Variants in C7orf78 observed in about 807,000 individuals in gnomAD.
C7orf78 encodes putative uncharacterized protein C7orf78.
At chr7:12,539,575 C>T in the C7orf78 span, among the ~76,000 whole-genome samples, 1 of 152,052 alleles carries the variant, frequency 6.6e-6, no homozygotes, top group South Asian at 2.1e-4. Flanking sequence ...TTTAAAAAGC[C>T]CCATAGGGAT....
chr7:12,502,811 T>G, the C7orf78 span, among the ~76,000 whole-genome samples: 1 of 129,136 alleles, frequency 7.7e-6, no homozygotes, highest in Non-Finnish European at 1.6e-5. Context: ...TCATTCACAA[T>G]AGCAAAGACT....
At chr7:12,508,359 T>C in the C7orf78 span, among the ~76,000 whole-genome samples, 2 of 151,878 alleles carry the variant, frequency 1.3e-5, no homozygotes, top group African/African-American at 4.8e-5. Flanking sequence ...TTTTAAAAAG[T>C]TGTACTCATT....
At chr7:12,514,673 A>G in the C7orf78 span, among the ~76,000 whole-genome samples, 1 of 151,696 alleles carries the variant, frequency 6.6e-6, no homozygotes, top group South Asian at 2.1e-4. Context: ...CTGTTGTGGT[A>G]CTATTTGACT....
chr7:12,497,725 G>C, the C7orf78 span, among the ~76,000 whole-genome samples: 2 of 151,932 alleles, frequency 1.3e-5, no homozygotes, highest in African/African-American at 4.8e-5. Flanking sequence ...ACTGGGTGGA[G>C]CCCACCACAG....
the C7orf78 span, among the ~76,000 whole-genome samples, chr7:12,507,792 A>T: frequency 2.0e-4 from 30 of 152,320 alleles, no homozygotes; most frequent in East Asian, 5.4e-3. Context: ...GTTATGTGTA[A>T]TTGCTAGTAG....
At chr7:12,498,132 G>GA in the C7orf78 span, among the ~76,000 whole-genome samples, 9 of 151,942 alleles carry the variant, frequency 5.9e-5, no homozygotes, top group African/African-American at 1.9e-4. Context: ...CAAAGATGGG[G>GA]AAAAAACAGA....
At chr7:12,484,173 A>T in the C7orf78 span, among the ~76,000 whole-genome samples, 33 of 152,192 alleles carry the variant, frequency 2.2e-4, no homozygotes, top group African/African-American at 8.0e-4. Context: ...TTTGTTTTTC[A>T]AATTGGGCTA....
the C7orf78 span, among the ~76,000 whole-genome samples, chr7:12,496,181 T>C: frequency 6.6e-6 from 1 of 152,306 alleles, no homozygotes; most frequent in East Asian, 1.9e-4. Context: ...GCCCTCGGCC[T>C]CCCAAAGTGC....
chr7:12,539,120 G>A, the C7orf78 span, among the ~76,000 whole-genome samples: 1 of 152,272 alleles, frequency 6.6e-6, no homozygotes, highest in East Asian at 1.9e-4. Context: ...AATCAGAAAT[G>A]GGTATTCCTC....
chr7:12,517,141 C>T, the C7orf78 span, among the ~76,000 whole-genome samples: 12 of 151,996 alleles, frequency 7.9e-5, no homozygotes, highest in Non-Finnish European at 1.2e-4. Context: ...GGGAGGGACT[C>T]GGTGGAAGAT....
the C7orf78 span, among the ~76,000 whole-genome samples, chr7:12,485,920 G>A: frequency 6.6e-6 from 1 of 152,088 alleles, no homozygotes; most frequent in Non-Finnish European, 1.5e-5. Context: ...GACTCATAAG[G>A]AGATAGATCC....
the C7orf78 span, chr7:12,525,925 G>C: frequency 2.5e-6 from 1 of 396,356 alleles, no homozygotes; most frequent in Non-Finnish European, 4.5e-6. Context: ...AAGATGTTAT[G>C]AATATTGGAA....
the C7orf78 span, among the ~76,000 whole-genome samples, chr7:12,511,515 G>A: frequency 6.6e-6 from 1 of 152,072 alleles, no homozygotes; most frequent in Non-Finnish European, 1.5e-5. Flanking sequence ...AGCATGGGAT[G>A]TTTTTCCATT....
At chr7:12,520,771 C>T in the C7orf78 span, among the ~76,000 whole-genome samples, 2 of 152,104 alleles carry the variant, frequency 1.3e-5, no homozygotes, top group Non-Finnish European at 2.9e-5. Flanking sequence ...AACTTTGATA[C>T]TTCTTCATGG....
At chr7:12,490,361 A>C in the C7orf78 span, among the ~76,000 whole-genome samples, 1 of 152,040 alleles carries the variant, frequency 6.6e-6, no homozygotes, top group South Asian at 2.1e-4. Flanking sequence ...CTTGTAAACA[A>C]GAGCCCAGGA....
the C7orf78 span, among the ~76,000 whole-genome samples, chr7:12,517,131 G>A: frequency 3.3e-3 from 497 of 152,216 alleles, 2 homozygotes; most frequent in Middle Eastern, 0.01. Context: ...CATGTGTTAT[G>A]GGAGGGACTC....
At chr7:12,530,762 G>C in the C7orf78 span, among the ~76,000 whole-genome samples, 1 of 152,162 alleles carries the variant, frequency 6.6e-6, no homozygotes, top group African/African-American at 2.4e-5. Context: ...TGACACTCAT[G>C]TGAGAAGGCC....
At chr7:12,511,892 C>T in the C7orf78 span, among the ~76,000 whole-genome samples, 81 of 146,532 alleles carry the variant, frequency 5.5e-4, no homozygotes, top group Non-Finnish European at 9.1e-4. Context: ...GCTGGGACTA[C>T]AGGCGCCCAC....
the C7orf78 span, among the ~76,000 whole-genome samples, chr7:12,523,999 A>G: frequency 5.9e-5 from 9 of 152,208 alleles, no homozygotes; most frequent in Non-Finnish European, 1.3e-4. Context: ...TCTCAGATCT[A>G]TAATTTAGAA....
Sources: gnomAD v4.1 joint callset for allele counts (sites outside exome capture counted in the v4.1 genomes callset) on GRCh38, gnomAD v4.1.1 for gene constraint, MANE v1.5 for transcripts, NCBI Gene and HGNC (gene_info 2026-07-23, HGNC 2026-07-21) for gene names.